The following ARHGEF28 variants were observed in gnomAD, a reference collection of about 807,000 sequenced individuals.
The protein encoded by ARHGEF28 is Rho guanine nucleotide exchange factor 28, also known as 190 kDa guanine nucleotide exchange factor.
ARHGEF28 carries 152 observed loss-of-function variants against 206.6 expected under a neutral mutation model. The observed-to-expected ratio is 0.74, with a 90% CI of 0.64 to 0.84. The LOEUF (loss-of-function observed/expected upper bound fraction) is 0.84, where lower values mean the gene tolerates loss of function less well. Among genes scored for constraint, ARHGEF28 ranks in the 40% least tolerant of loss-of-function variants. The probability of loss-of-function intolerance (pLI) is 0.00; values close to 1 mark genes in which losing one functional copy is unlikely to be tolerated. For missense variants in ARHGEF28, 2,028 were observed against 2,073.2 expected (o/e 0.98, Z 0.42); for synonymous variants, 763 against 776.4 (o/e 0.98, Z 0.29).
At chr5:73,658,541 A>G (rs1462791554) in intron 1 of ARHGEF28, among the ~76,000 whole-genome samples, 3 of 152,224 alleles carry the variant, frequency 2.0e-5, no homozygotes, top group Admixed American at 2.0e-4. Context: ...GAAGAGTTTC[A>G]AAGGCCTAAC....
chr5:73,740,003 T>C (rs1184970633), intron 2 of ARHGEF28, among the ~76,000 whole-genome samples: 1 of 131,282 alleles, frequency 7.6e-6, no homozygotes, highest in African/African-American at 2.9e-5. Context: ...ACTTTGTCTC[T>C]ACCAAAAAAA....
intron 1 of ARHGEF28, among the ~76,000 whole-genome samples, chr5:73,673,504 G>T (rs1021210566): frequency 6.6e-6 from 1 of 152,062 alleles, no homozygotes; most frequent in Non-Finnish European, 1.5e-5. Flanking sequence ...CTGATCCCTG[G>T]AGGTTTCTCT....
intron 2 of ARHGEF28, among the ~76,000 whole-genome samples, chr5:73,704,388 G>A (rs1748802163): frequency 6.6e-6 from 1 of 152,172 alleles, no homozygotes; most frequent in Admixed American, 6.6e-5. Context: ...AAGCCTGGCT[G>A]TGAACCCACA....
intron 1 of ARHGEF28, among the ~76,000 whole-genome samples, chr5:73,675,636 G>A (rs1350953858): frequency 6.6e-6 from 1 of 150,596 alleles, no homozygotes; most frequent in East Asian, 2.0e-4. Context: ...GGGAGGCTGA[G>A]GCAGGAGAAT....
Position 73,806,776 on chromosome 5 carries a change from T to TATCATATATAC in ARHGEF28, c.1024+11385_1024+11386insATCATATATAC, listed in dbSNP as rs1305440814. Among the ~76,000 whole-genome samples the TATCATATATAC allele has an allele frequency of 3.4e-4, 44 of 129,026 alleles. 4 individuals are homozygous for TATCATATATAC. The highest frequency in any genetic ancestry group is 1.2e-3 in the African/African-American group (40 of 34,514). The allele number at this position is 129,026 out of a possible 152,430, so 84.6% of individuals were successfully genotyped here. A position where few individuals can be genotyped will look rare whatever the true frequency, so the allele number is the denominator to read the frequency against. ...ACGATATATCGTATACATCTATATGTGCCATATATATGATATATCGTATAC... is the reference window on the plus strand; with the variant it reads ...ACGATATATCGTATACATCTATATGTATCATATATACGCCATATATATGATATATCGTATAC... On this transcript the variant is annotated intron_variant, in intron 9 of 35. Coordinates refer to ENST00000513042, the MANE Select transcript of ARHGEF28 (RefSeq NM_001177693.2).
intron 1 of ARHGEF28, among the ~76,000 whole-genome samples, chr5:73,640,530 TAAAC>T (rs1436095790): frequency 3.3e-5 from 5 of 152,128 alleles, no homozygotes; most frequent in Admixed American, 6.6e-5. Context: ...TTTTAAAAAT[TAAAC>T]AAAAAAGAAG....
Position 73,734,264 on chromosome 5 carries a change from G to C in ARHGEF28, c.34-15573G>C, listed in dbSNP as rs115495551. 5.8e-3 allele frequency among the ~76,000 whole-genome samples: 887 copies of C among 152,236 alleles called. 8 individuals carry two copies. The highest frequency in any genetic ancestry group is 0.021 in the African/African-American group (853 of 41,532). ...ATAGGGAGGGACAGTTAAATACTAC[G>C]AGACAGGTTGGGATGAGATGGCCTG... On this transcript the variant is annotated intron_variant, in intron 2 of 35. Transcript: ENST00000513042.
chr5:73,705,456 G>A (rs1330560874), intron 2 of ARHGEF28, among the ~76,000 whole-genome samples: 2 of 152,086 alleles, frequency 1.3e-5, no homozygotes, highest in Non-Finnish European at 2.9e-5. Flanking sequence ...TTTAAACTAT[G>A]TGACATTTGA....
intron 10 of ARHGEF28, among the ~76,000 whole-genome samples, chr5:73,838,358 A>T (rs1757788386): frequency 6.6e-6 from 1 of 152,220 alleles, no homozygotes; most frequent in African/African-American, 2.4e-5. Context: ...ATCTGAAAAT[A>T]ATCTTATCTA....
intron 35 of ARHGEF28, among the ~76,000 whole-genome samples, chr5:73,918,480 T>C (rs1448993931): frequency 6.6e-6 from 1 of 152,260 alleles, no homozygotes; most frequent in African/African-American, 2.4e-5. Flanking sequence ...TGGCATTTCA[T>C]GCCATTCAAA....
chr5:73,887,818 T>C (rs1350688212), intron 26 of ARHGEF28, 139 bp downstream of exon 26: 8 of 734,464 alleles, frequency 1.1e-5, no homozygotes, highest in African/African-American at 3.6e-5. Context: ...TTACTTGTGA[T>C]TGCAGTGTTT....
intron 1 of ARHGEF28, among the ~76,000 whole-genome samples, chr5:73,666,320 C>A (rs1022728895): frequency 6.6e-6 from 1 of 152,232 alleles, no homozygotes. Context: ...TGGGCTCACT[C>A]AACCCAGTAG....
chr5:73,930,502 A>G (rs1201447176), intron 35 of ARHGEF28, among the ~76,000 whole-genome samples: 1 of 152,204 alleles, frequency 6.6e-6, no homozygotes, highest in Non-Finnish European at 1.5e-5. Context: ...GGATAGCTTT[A>G]ATAGATTTTG....
chr5:73,746,476 G>A (rs1339406734), intron 2 of ARHGEF28, among the ~76,000 whole-genome samples: 1 of 151,994 alleles, frequency 6.6e-6, no homozygotes, highest in Non-Finnish European at 1.5e-5. Context: ...ATAAAGACTG[G>A]AAGAGAATAG....
intron 16 of ARHGEF28, chr5:73,863,501 C>T (rs1326824245): frequency 6.6e-6 from 1 of 152,074 alleles, no homozygotes; most frequent in Non-Finnish European, 1.5e-5. Flanking sequence ...AGATTCTTCT[C>T]ATTGTCTCTT....
At chr5:73,885,374 G>A (rs1359669570) in intron 24 of ARHGEF28, among the ~76,000 whole-genome samples, 1 of 152,086 alleles carries the variant, frequency 6.6e-6, no homozygotes, top group Admixed American at 6.5e-5. Flanking sequence ...GAAGGACTAT[G>A]TGTCAGCTGA....
intron 2 of ARHGEF28, among the ~76,000 whole-genome samples, chr5:73,711,528 C>G (rs1299426620): frequency 1.3e-5 from 2 of 152,088 alleles, no homozygotes; most frequent in Non-Finnish European, 2.9e-5. Flanking sequence ...TTTTAGCATA[C>G]AGATCTTACA....
intron 4 of ARHGEF28, among the ~76,000 whole-genome samples, chr5:73,769,466 G>C (rs1167483808): frequency 6.6e-6 from 1 of 152,102 alleles, no homozygotes; most frequent in Non-Finnish European, 1.5e-5. Flanking sequence ...AACATATCCT[G>C]TGTATTTTGT....
At chr5:73,939,330 T>C (rs1000897999) in intron 35 of ARHGEF28, among the ~76,000 whole-genome samples, 1 of 152,222 alleles carries the variant, frequency 6.6e-6, no homozygotes, top group Non-Finnish European at 1.5e-5. Context: ...TCTGCAGGTA[T>C]GCTTTCAGTT....
Sources: gnomAD v4.1 joint callset for allele counts (sites outside exome capture counted in the v4.1 genomes callset) on GRCh38, gnomAD v4.1.1 for gene constraint, MANE v1.5 for transcripts, NCBI Gene and HGNC (gene_info 2026-07-23, HGNC 2026-07-21) for gene names.